XPA: variants seen among roughly 807,000 people sequenced by gnomAD.
XPA encodes DNA repair protein complementing XP-A cells.
Under a neutral mutation model 35.7 loss-of-function variants are expected in XPA, and 27 were observed. That is an observed-to-expected ratio of 0.76 (90% CI 0.56 to 1.04). The LOEUF is 1.04. XPA is among the 50% of genes least tolerant of loss of function. XPA has a pLI of 0.00. For synonymous variants in XPA, 133 were observed against 118.4 expected (o/e 1.12, Z -0.80); for missense variants, 354 against 342.7 (o/e 1.03, Z -0.26).
At chr9:97,695,960 G>A (rs1156732989) in intron 1 of XPA, among the ~76,000 whole-genome samples, 1 of 152,138 alleles carries the variant, frequency 6.6e-6, no homozygotes, top group Non-Finnish European at 1.5e-5. Flanking sequence ...CAGCCATGTC[G>A]TAGACCTGGA....
chr9:97,669,652 A>C, the XPA span: 2 of 1,613,166 alleles, frequency 1.2e-6, no homozygotes, highest in Non-Finnish European at 1.7e-6. Flanking sequence ...GGACCAGTGT[A>C]TTAACACCAT....
the XPA span, chr9:97,654,822 T>C: frequency 7.2e-7 from 1 of 1,391,510 alleles, no homozygotes; most frequent in Non-Finnish European, 1.0e-6. Flanking sequence ...TATTCTTGTC[T>C]ATTACAACTT....
the XPA span, among the ~76,000 whole-genome samples, chr9:97,655,270 G>A: frequency 1.3e-5 from 2 of 152,110 alleles, no homozygotes; most frequent in Admixed American, 1.3e-4. Flanking sequence ...GAGTGCAGTG[G>A]GATGAGCATA....
chr9:97,684,799 T>G, intron 5 of XPA, 124 bp downstream of exon 5: 1 of 906,090 alleles, frequency 1.1e-6, no homozygotes, highest in African/African-American at 1.7e-5. Context: ...TGTAAGTCAT[T>G]TTTTTCAACC....
chr9:97,656,265 A>G, the XPA span, among the ~76,000 whole-genome samples: 1 of 152,212 alleles, frequency 6.6e-6, no homozygotes, highest in African/African-American at 2.4e-5. Flanking sequence ...ATTCCATGTG[A>G]ATTTAAGCCA....
chr9:97,655,634 A>AAGCC, the XPA span: 1 of 1,323,240 alleles, frequency 7.6e-7, no homozygotes, highest in Admixed American at 2.0e-5. Flanking sequence ...GAAGGCTTAT[A>AAGCC]TAAGTTTCTG....
the XPA span, among the ~76,000 whole-genome samples, chr9:97,665,894 C>A: frequency 3.3e-5 from 5 of 152,102 alleles, no homozygotes; most frequent in Admixed American, 1.3e-4. Flanking sequence ...TGTGTTATAT[C>A]CTGTATTCTT....
At chr9:97,664,078 T>C in the XPA span, among the ~76,000 whole-genome samples, 1 of 151,610 alleles carries the variant, frequency 6.6e-6, no homozygotes, top group Non-Finnish European at 1.5e-5. Flanking sequence ...GCTCAGGAGG[T>C]TGAGGCAGGA....
chr9:97,682,483 T>C (rs1828577639), intron 5 of XPA: 1 of 518,346 alleles, frequency 1.9e-6, no homozygotes, highest in Admixed American at 1.9e-5. Context: ...CACTGACCTC[T>C]CTGCACATTA....
At chr9:97,674,700 A>G (rs1828295072), downstream of XPA, among the ~76,000 whole-genome samples, 1 of 152,168 alleles carries the variant, frequency 6.6e-6, no homozygotes, top group African/African-American at 2.4e-5. Flanking sequence ...ACATACTCCT[A>G]AGGCACTTAG....
chr9:97,693,056 T>C (rs965200045), intron 2 of XPA, among the ~76,000 whole-genome samples: 7 of 148,392 alleles, frequency 4.7e-5, no homozygotes, highest in African/African-American at 1.7e-4. Context: ...AGGTCTTTTT[T>C]TTTTTTTTTT....
Position 97,684,986 on chromosome 9 carries a change from T to TTGCTTCTTCTAA in XPA, c.598_609dup (p.Leu200_Ala203dup), listed in dbSNP as rs1554701135. On this transcript the variant is annotated inframe_insertion, in exon 5 of 6. Transcript: ENST00000375128. Reference sequence around the variant, plus strand: ...TCTCGGTTTTCCTGTCGGACTTCCTTTGCTTCTTCTAATGCTTCTTGACTA... The same window carrying TTGCTTCTTCTAA: ...TCTCGGTTTTCCTGTCGGACTTCCTTTGCTTCTTCTAATGCTTCTTCTAATGCTTCTTGACTA... 5 of 1,613,772 alleles carry TTGCTTCTTCTAA rather than the reference T, an allele frequency of 3.1e-6. No individual in the cohort carries two copies. The highest frequency in any genetic ancestry group is 4.2e-6 in the Non-Finnish European group (5 of 1,179,868).
the XPA span, among the ~76,000 whole-genome samples, chr9:97,665,109 G>A: frequency 6.6e-6 from 1 of 152,184 alleles, no homozygotes; most frequent in Non-Finnish European, 1.5e-5. Context: ...AAACATAAAA[G>A]TCCATCACAA....
chr9:97,674,180 TTCTGTTGTCATCA>T (rs771502083), downstream of XPA, among the ~76,000 whole-genome samples: 90 of 151,788 alleles, frequency 5.9e-4, no homozygotes, highest in African/African-American at 9.2e-4. Flanking sequence ...CCCCTAGTTA[TTCTGTTGTCATCA>T]TCTGTTGTCA....
chr9:97,661,378 A>G, the XPA span, among the ~76,000 whole-genome samples: 1 of 152,218 alleles, frequency 6.6e-6, no homozygotes. Flanking sequence ...GGTGTGTTAT[A>G]AAGTTGGATG....
chr9:97,689,692 A>G, intron 2 of XPA, 53 bp from the exon 3 acceptor site: 1 of 1,022,124 alleles, frequency 9.8e-7, no homozygotes, highest in Admixed American at 2.0e-5. Flanking sequence ...AGAACAATAT[A>G]TTTTCCTCTA....
At chr9:97,693,048 GTCT>G (rs1828938259) in intron 2 of XPA, among the ~76,000 whole-genome samples, 2 of 146,038 alleles carry the variant, frequency 1.4e-5, no homozygotes, top group African/African-American at 5.2e-5. Flanking sequence ...ACTGGAATAG[GTCT>G]TTTTTTTTTT....
chr9:97,697,152 G>T lies in XPA; in HGVS notation c.141C>A (p.Pro47=). The change falls in exon 1 of 6, where the codon CCC becomes CCA. Residue 47 remains proline (P), a synonymous_variant. Transcript: ENST00000375128. ...TAGCCGCAGCCGCCGTCGCCGAGTA[G>T]GGCCGGGCAGCCAGCCGGGCCTGGC... is the stretch of plus-strand genomic sequence containing the variant. ...MLRQARLAAR[P]YSATAAAATG... 1 of 1,567,412 alleles carries T rather than the reference G, an allele frequency of 6.4e-7. No homozygotes were observed. The highest frequency in any genetic ancestry group is 2.3e-5 in the East Asian group (1 of 42,678).
At chr9:97,687,461 A>G (rs1184626050) in intron 3 of XPA, among the ~76,000 whole-genome samples, 200 bp from the exon 4 acceptor site, 1 of 152,210 alleles carries the variant, frequency 6.6e-6, no homozygotes, top group Non-Finnish European at 1.5e-5. Flanking sequence ...AAGTTACATT[A>G]TCTAGAGAAA....
Sources: allele counts gnomAD v4.1 joint callset (sites outside exome capture counted in the v4.1 genomes callset), GRCh38; gene constraint gnomAD v4.1.1; transcripts MANE v1.5; gene names NCBI Gene and HGNC (gene_info 2026-07-23, HGNC 2026-07-21).